Variants in ARL6IP5 observed in about 807,000 individuals in gnomAD.
ARL6IP5 encodes ARF like GTPase 6 interacting protein 5.
ARL6IP5 carries 6 observed loss-of-function variants against 13.0 expected under a neutral mutation model. That is an observed-to-expected ratio of 0.46 (90% CI 0.25 to 0.91). ARL6IP5 has a LOEUF of 0.91. Ranked by LOEUF, ARL6IP5 falls within the 40% of genes least tolerant of loss-of-function variation. ARL6IP5 has a pLI of 0.17. For synonymous variants in ARL6IP5, 91 were observed against 91.9 expected (o/e 0.99, Z 0.06); for missense variants, 208 against 248.8 (o/e 0.84, Z 1.10).
chr3:69,104,161 T>G (rs947773333), intron 2 of ARL6IP5, among the ~76,000 whole-genome samples: 4 of 152,148 alleles, frequency 2.6e-5, no homozygotes, highest in African/African-American at 7.2e-5. Context: ...TTCAGGACAT[T>G]TAAGTAGCAT....
chr3:69,096,597 C>CTT (rs11291168), intron 1 of ARL6IP5, among the ~76,000 whole-genome samples: 852 of 69,590 alleles, frequency 0.012, 1 homozygote, highest in Non-Finnish European at 0.014. Context: ...TTTTGCTTTG[C>CTT]TTTTTTTTTT....
intron 1 of ARL6IP5, among the ~76,000 whole-genome samples, chr3:69,098,240 C>CTT (rs34413250): frequency 0.035 from 2,528 of 71,774 alleles, 132 homozygotes; most frequent in African/African-American, 0.058. Flanking sequence ...CCATACCTGG[C>CTT]TTTTTTTTTT....
Position 69,102,117 on chromosome 3 carries a change from G to A in ARL6IP5, c.394+61G>A, listed in dbSNP as rs527753991. 3 of 1,547,236 alleles carry A rather than the reference G, an allele frequency of 1.9e-6. No homozygotes were observed. The South Asian group carries it at 3.4e-5, about 17-fold the overall frequency. On this transcript the variant is annotated intron_variant, in intron 2 of 2. Coordinates refer to ENST00000273258, the MANE Select transcript of ARL6IP5 (RefSeq NM_006407.4). Reference sequence around the variant, plus strand: ...AAAATGTAGAAGCAATTATCCAACGGGAATTCCATAACCCATTTCTTATAT... The same window carrying A: ...AAAATGTAGAAGCAATTATCCAACGAGAATTCCATAACCCATTTCTTATAT...
At chr3:69,104,340 A>T in intron 2 of ARL6IP5, 124 bp from the exon 3 acceptor site, 1 of 940,766 alleles carries the variant, frequency 1.1e-6, no homozygotes, top group Non-Finnish European at 1.6e-6. Flanking sequence ...CATCAATTCG[A>T]GAAGCAGACT....
intron 1 of ARL6IP5, among the ~76,000 whole-genome samples, chr3:69,099,185 A>G (rs2092296901): frequency 1.3e-5 from 2 of 151,314 alleles, no homozygotes; most frequent in African/African-American, 4.9e-5. Context: ...AGCCTGGCCA[A>G]CATGGTGAAA....
At chr3:69,095,861 A>G (rs1334800058) in intron 1 of ARL6IP5, among the ~76,000 whole-genome samples, 1 of 152,238 alleles carries the variant, frequency 6.6e-6, no homozygotes, top group Admixed American at 6.5e-5. Flanking sequence ...GCAGCTGTCT[A>G]CATGAAAGAT....
At chr3:69,098,652 A>G (rs1182662831) in intron 1 of ARL6IP5, among the ~76,000 whole-genome samples, 7 of 152,186 alleles carry the variant, frequency 4.6e-5, no homozygotes, top group Admixed American at 4.6e-4. Flanking sequence ...TGGCCCCCAC[A>G]AAGTGCTGGG....
intron 1 of ARL6IP5, among the ~76,000 whole-genome samples, chr3:69,085,786 T>TA (rs746558845): frequency 2.0e-5 from 3 of 151,992 alleles, no homozygotes; most frequent in Non-Finnish European, 4.4e-5. Context: ...CATTGTGGGG[T>TA]AAAGGCTGCC....
intron 1 of ARL6IP5, among the ~76,000 whole-genome samples, chr3:69,095,503 C>CTT (rs559236745): frequency 3.5e-5 from 5 of 141,614 alleles, no homozygotes; most frequent in East Asian, 2.0e-4. Context: ...ATCCCTCGTT[C>CTT]TTTTTTTTTT....
At chr3:69,099,087 C>T (rs1381402836) in intron 1 of ARL6IP5, among the ~76,000 whole-genome samples, 1 of 123,850 alleles carries the variant, frequency 8.1e-6, no homozygotes. Context: ...TGGCTGGGTG[C>T]GGTGGCTCAT....
intron 1 of ARL6IP5, among the ~76,000 whole-genome samples, chr3:69,097,758 G>T (rs2092291462): frequency 6.6e-6 from 1 of 152,216 alleles, no homozygotes; most frequent in Admixed American, 6.5e-5. Context: ...GGGGAAGAGG[G>T]CAGAGAGAAT....
At chr3:69,086,983 C>A (rs535972691) in intron 1 of ARL6IP5, among the ~76,000 whole-genome samples, 1 of 151,920 alleles carries the variant, frequency 6.6e-6, no homozygotes, top group South Asian at 2.1e-4. Context: ...CAGGCGTGAG[C>A]CTCTGTGCCT....
chr3:69,090,361 A>C (rs1055170379), intron 1 of ARL6IP5, among the ~76,000 whole-genome samples: 3 of 152,220 alleles, frequency 2.0e-5, no homozygotes, highest in Non-Finnish European at 4.4e-5. Context: ...GCACTTACCA[A>C]CTTCTCAGAC....
At position 69,084,995 on chromosome 3, in the gene ARL6IP5, TGCC is replaced by T. The variant is rs767557247; in HGVS notation, c.-37_-35del. On this transcript the variant is annotated 5_prime_UTR_variant, in exon 1 of 3. Coordinates refer to ENST00000273258, the MANE Select transcript of ARL6IP5 (RefSeq NM_006407.4). ...CTCCAACTCAGCTCAGCTGATCGGT[TGCC>T]GCCGCCGCCGCCGCCAGATTCTGGA... The T allele has an allele frequency of 2.6e-5, 41 of 1,584,108 alleles. No homozygotes were observed. Among genetic ancestry groups the T allele is most frequent in the East Asian group, 4.5e-5 (2 of 44,598 alleles).
At chr3:69,088,808 T>C (rs1179010253) in intron 1 of ARL6IP5, among the ~76,000 whole-genome samples, 1 of 152,248 alleles carries the variant, frequency 6.6e-6, no homozygotes, top group Non-Finnish European at 1.5e-5. Flanking sequence ...GATTAAGATA[T>C]TCTTTTCACA....
At chr3:69,092,890 C>T (rs2092273681) in intron 1 of ARL6IP5, among the ~76,000 whole-genome samples, 1 of 150,562 alleles carries the variant, frequency 6.6e-6, no homozygotes, top group African/African-American at 2.4e-5. Context: ...CTTTCCACTT[C>T]TGTTCCCCAA....
Position 69,104,619 on chromosome 3 carries a change from A to C in ARL6IP5, c.550A>C (p.Ser184Arg). 6.2e-7 allele frequency: 1 copy of C among 1,613,476 alleles called. No individual in the cohort carries two copies. The highest frequency in any genetic ancestry group is 8.5e-7 in the Non-Finnish European group (1 of 1,179,780). The change falls in exon 3 of 3, where the codon AGC (serine) becomes CGC (arginine). Residue 184 changes from serine (S) to arginine (R), a missense_variant. Physicochemically the swap from Ser to Arg is moderately radical, Grantham distance 110. Transcript: ENST00000273258. The stretch of plus-strand genomic sequence containing the variant: ...CATCAACAGACTCACTGACTATATC[A>C]GCAAAGTGAAGGAATAAACATAACT... ...EGINRLTDYISKVKE is the reference protein window; with the variant it reads ...EGINRLTDYIRKVKE
chr3:69,096,587 T>TTTTGC (rs1479895539), intron 1 of ARL6IP5, among the ~76,000 whole-genome samples: 1 of 150,184 alleles, frequency 6.7e-6, no homozygotes, highest in Admixed American at 6.8e-5. Flanking sequence ...TTGATCTTTG[T>TTTTGC]TTTGCTTTGC....
chr3:69,085,034 G>A lies in ARL6IP5; in HGVS notation c.-14G>A, dbSNP rs774935049. ...CCGCCAGATTCTGGAGGCGAAGAAC[G>A]CAAAGCTGAGAACATGGACGTTAAT... On this transcript the variant is annotated 5_prime_UTR_variant, in exon 1 of 3. Transcript: ENST00000273258. 36 of 1,610,584 alleles carry A rather than the reference G, an allele frequency of 2.2e-5. No individual in the cohort carries two copies. The South Asian group carries it at 3.9e-4, about 17-fold the overall frequency.
Sources: gnomAD v4.1 joint callset for allele counts (sites outside exome capture counted in the v4.1 genomes callset) on GRCh38, gnomAD v4.1.1 for gene constraint, MANE v1.5 for transcripts, NCBI Gene and HGNC (gene_info 2026-07-23, HGNC 2026-07-21) for gene names.